PRR16: variants seen among roughly 807,000 people sequenced by gnomAD.
The protein encoded by PRR16 is proline rich 16.
In PRR16, 6 loss-of-function variants were observed where a neutral mutation model predicts 18.2. The ratio of observed to expected loss-of-function variants is 0.33; its 90% CI spans 0.18 to 0.65. PRR16 has a LOEUF of 0.65. PRR16 is among the 30% of genes least tolerant of loss of function. The pLI, the probability that PRR16 is intolerant of heterozygous loss-of-function variation, is 0.74. For synonymous variants in PRR16, 151 were observed against 147.8 expected (o/e 1.02, Z -0.16); for missense variants, 412 against 376.6 (o/e 1.09, Z -0.78).
the PRR16 span, among the ~76,000 whole-genome samples, chr5:120,777,249 T>C: frequency 2.6e-5 from 4 of 152,136 alleles, no homozygotes; most frequent in African/African-American, 9.7e-5. Flanking sequence ...ATTTATTCAA[T>C]CTACTTATTG....
chr5:120,507,008 T>G (rs1035630046), intron 1 of PRR16, among the ~76,000 whole-genome samples: 3 of 152,112 alleles, frequency 2.0e-5, no homozygotes, highest in African/African-American at 7.2e-5. Flanking sequence ...GTAAATTTAA[T>G]GTCTACTGCT....
Position 120,686,092 on chromosome 5 carries a change from A to C in PRR16, c.298A>C (p.Asn100His). The change falls in exon 2 of 2, where the codon AAT becomes CAT. Residue 100 changes from asparagine to histidine, a missense_variant. By Grantham distance (68) the Asn-to-His change is moderately conservative. Coordinates refer to ENST00000407149, the MANE Select transcript of PRR16 (RefSeq NM_001300783.2). ...CCTAGAGAAGATCAAAGTGCAGGCT[A>C]ATGCACCGCTTATTAAACCCCCAGC... Reference protein sequence around the residue: ...SSLEKIKVQANAPLIKPPAHP... With the variant: ...SSLEKIKVQAHAPLIKPPAHP... 2.5e-6 allele frequency: 4 copies of C among 1,614,108 alleles called. No homozygotes were observed. The highest frequency in any genetic ancestry group is 3.4e-6 in the Non-Finnish European group (4 of 1,180,008).
intron 1 of PRR16, among the ~76,000 whole-genome samples, chr5:120,495,850 G>A (rs745630961): frequency 1.3e-5 from 2 of 151,862 alleles, no homozygotes; most frequent in African/African-American, 2.4e-5. Context: ...CAATAAGAGT[G>A]GTGAGATTGA....
At chr5:120,774,515 G>A in the PRR16 span, among the ~76,000 whole-genome samples, 1 of 152,084 alleles carries the variant, frequency 6.6e-6, no homozygotes, top group African/African-American at 2.4e-5. Context: ...GTGCATAGAA[G>A]CCACCCGATG....
chr5:120,575,260 A>C (rs1457641038), intron 1 of PRR16, among the ~76,000 whole-genome samples: 1 of 151,582 alleles, frequency 6.6e-6, no homozygotes, highest in Non-Finnish European at 1.5e-5. Context: ...TGTTTATAGT[A>C]GGATTATTCA....
chr5:120,703,717 T>A, the PRR16 span, among the ~76,000 whole-genome samples: 2 of 152,288 alleles, frequency 1.3e-5, no homozygotes, highest in East Asian at 1.9e-4. Context: ...AAAATATTAT[T>A]TTTATGTCTC....
chr5:120,484,034 A>G (rs1749708015), intron 1 of PRR16, among the ~76,000 whole-genome samples: 1 of 152,014 alleles, frequency 6.6e-6, no homozygotes, highest in African/African-American at 2.4e-5. Flanking sequence ...AAAAATTTGC[A>G]TACTGTCAGA....
At chr5:120,630,635 A>G (rs896806460) in intron 1 of PRR16, among the ~76,000 whole-genome samples, 2 of 152,028 alleles carry the variant, frequency 1.3e-5, no homozygotes, top group Non-Finnish European at 2.9e-5. Context: ...TACCTTGAAT[A>G]GATATATTTA....
intron 1 of PRR16, among the ~76,000 whole-genome samples, chr5:120,635,799 C>T (rs1299579801): frequency 6.6e-6 from 1 of 152,024 alleles, no homozygotes; most frequent in Non-Finnish European, 1.5e-5. Context: ...AAAGAAAGGG[C>T]ACTCGAATCG....
chr5:120,649,237 T>A (rs1293039058), intron 1 of PRR16, among the ~76,000 whole-genome samples: 2 of 152,142 alleles, frequency 1.3e-5, no homozygotes, highest in African/African-American at 4.8e-5. Flanking sequence ...ATTTTGAAGT[T>A]AGTATGAGTA....
At chr5:120,665,116 C>G (rs370641119) in intron 1 of PRR16, among the ~76,000 whole-genome samples, 1 of 100,046 alleles carries the variant, frequency 1.0e-5, no homozygotes, top group African/African-American at 3.5e-5. Flanking sequence ...TCTCCAGCAC[C>G]TGTTGTTTCC....
At chr5:120,622,907 G>C (rs1754737478) in intron 1 of PRR16, among the ~76,000 whole-genome samples, 1 of 152,074 alleles carries the variant, frequency 6.6e-6, no homozygotes. Context: ...CTAAATGTTA[G>C]CACTTTGAAA....
intron 1 of PRR16, among the ~76,000 whole-genome samples, chr5:120,477,895 G>C (rs1248454930): frequency 2.0e-5 from 3 of 152,170 alleles, no homozygotes; most frequent in Non-Finnish European, 4.4e-5. Flanking sequence ...CTCAAACTTT[G>C]CTCCAGTGGC....
chr5:120,748,792 C>G, the PRR16 span, among the ~76,000 whole-genome samples: 2 of 152,016 alleles, frequency 1.3e-5, no homozygotes, highest in Non-Finnish European at 2.9e-5. Context: ...TGAAAGAAGG[C>G]TCATTGTGGA....
the PRR16 span, among the ~76,000 whole-genome samples, chr5:120,727,088 T>C: frequency 6.6e-6 from 1 of 152,110 alleles, no homozygotes; most frequent in East Asian, 1.9e-4. Flanking sequence ...ATCCACTGAA[T>C]GATCAACTTT....
At chr5:120,547,933 A>G (rs1167773323) in intron 1 of PRR16, among the ~76,000 whole-genome samples, 5 of 152,070 alleles carry the variant, frequency 3.3e-5, no homozygotes, top group African/African-American at 9.7e-5. Flanking sequence ...TACTTTAGCA[A>G]TATGAAAAAA....
chr5:120,738,533 A>G, the PRR16 span, among the ~76,000 whole-genome samples: 1 of 152,168 alleles, frequency 6.6e-6, no homozygotes, highest in South Asian at 2.1e-4. Context: ...TAACATCATC[A>G]TTATGGCTGA....
intron 1 of PRR16, among the ~76,000 whole-genome samples, chr5:120,579,677 C>A (rs1753201094): frequency 6.6e-6 from 1 of 152,164 alleles, no homozygotes; most frequent in African/African-American, 2.4e-5. Context: ...TAGCATGTTG[C>A]CTCCAGCTCT....
chr5:120,686,220 A>G lies in PRR16; in HGVS notation c.426A>G (p.Pro142=). 6.2e-7 allele frequency: 1 copy of G among 1,614,172 alleles called. No individual in the cohort carries two copies. The highest frequency in any genetic ancestry group is 8.5e-7 in the Non-Finnish European group (1 of 1,180,048). The change falls in exon 2 of 2, where the codon CCA becomes CCG. Residue 142 remains proline, a synonymous_variant. Coordinates refer to ENST00000407149, the MANE Select transcript of PRR16 (RefSeq NM_001300783.2). ...GTGAAGACCCCAAAAGGGTGGTTCC[A>G]ACTGCCAATCCTGTAAAAACCAATG... ...VKCEDPKRVV[P]TANPVKTNGT... is the part of the protein sequence containing the mutation.
Sources: allele counts gnomAD v4.1 joint callset (sites outside exome capture counted in the v4.1 genomes callset), GRCh38; gene constraint gnomAD v4.1.1; transcripts MANE v1.5; gene names NCBI Gene and HGNC (gene_info 2026-07-23, HGNC 2026-07-21).